ULK4: variants seen among roughly 807,000 people sequenced by gnomAD.
ULK4 encodes the protein inactive serine/threonine-protein kinase ULK4.
A neutral mutation model predicts 160.6 loss-of-function variants in ULK4; 133 were observed. That is an observed-to-expected ratio of 0.83 (90% CI 0.72 to 0.96). The LOEUF is 0.96. Among genes scored for constraint, ULK4 ranks in the 40% least tolerant of loss-of-function variants. The probability of loss-of-function intolerance (pLI) is 0.00; values close to 1 mark genes in which losing one functional copy is unlikely to be tolerated. For missense variants in ULK4, 1,580 were observed against 1,499.5 expected, an observed-to-expected ratio of 1.05 and a Z score of -0.89; for synonymous variants, 534 against 539.8, an observed-to-expected ratio of 0.99 and a Z score of 0.15.
intron 24 of ULK4, 60 bp from the exon 25 acceptor site, chr3:41,715,353 T>C (rs1559503770): frequency 3.8e-6 from 5 of 1,302,012 alleles, no homozygotes; most frequent in Non-Finnish European, 5.3e-6. Flanking sequence ...GTTAGCTCAA[T>C]AAAAAAAAAA....
At chr3:41,341,186 C>T (rs1359481970) in intron 35 of ULK4, among the ~76,000 whole-genome samples, 1 of 152,192 alleles carries the variant, frequency 6.6e-6, no homozygotes, top group African/African-American at 2.4e-5. Flanking sequence ...CTAAACACTG[C>T]AGCTATACCA....
At chr3:41,456,129 C>CT (rs1288133965) in intron 33 of ULK4, among the ~76,000 whole-genome samples, 1 of 152,162 alleles carries the variant, frequency 6.6e-6, no homozygotes, top group Non-Finnish European at 1.5e-5. Context: ...AGGCAGGTCT[C>CT]TAACTCCTGA....
At chr3:41,359,984 C>T (rs1195826636) in intron 35 of ULK4, among the ~76,000 whole-genome samples, 1 of 151,980 alleles carries the variant, frequency 6.6e-6, no homozygotes, top group South Asian at 2.1e-4. Context: ...TTAGAGTGAA[C>T]AGACAACCTA....
Position 41,580,380 on chromosome 3 carries a change from T to A in ULK4, c.3121-14250A>T, listed in dbSNP as rs188275535. Among the ~76,000 whole-genome samples the A allele has an allele frequency of 2.6e-3, 395 of 151,996 alleles. 2 individuals carry two copies. Among genetic ancestry groups the A allele is most frequent in the South Asian group, 0.02 (97 of 4,818 alleles). On this transcript the variant is annotated intron_variant, in intron 31 of 36. Transcript: ENST00000301831. ...AACAAGTTAAACCAATTATTTATTT[T>A]TTTTTTTTTAAAAAAACCTGTTTGG...
intron 18 of ULK4, among the ~76,000 whole-genome samples, chr3:41,833,773 G>T (rs537993480): frequency 2.6e-5 from 4 of 152,112 alleles, no homozygotes; most frequent in South Asian, 2.1e-4. Context: ...GACAAGGGGG[G>T]TTTCTAAATC....
At chr3:41,493,843 T>G (rs1182138485) in intron 32 of ULK4, among the ~76,000 whole-genome samples, 1 of 143,134 alleles carries the variant, frequency 7.0e-6, no homozygotes, top group Non-Finnish European at 1.5e-5. Context: ...AATGGATAAA[T>G]TCCTCGACAC....
chr3:41,855,502 C>T (rs2042314970), intron 17 of ULK4, among the ~76,000 whole-genome samples: 1 of 152,140 alleles, frequency 6.6e-6, no homozygotes, highest in African/African-American at 2.4e-5. Flanking sequence ...TGAATGTTTT[C>T]TTAAGAAGCC....
At chr3:41,279,484 G>A (rs1290220772) in intron 35 of ULK4, among the ~76,000 whole-genome samples, 1 of 152,114 alleles carries the variant, frequency 6.6e-6, no homozygotes, top group East Asian at 1.9e-4. Context: ...TCCTTGAGAA[G>A]AGCAACCCCA....
intron 35 of ULK4, among the ~76,000 whole-genome samples, chr3:41,270,656 T>G (rs1224616491): frequency 6.6e-6 from 1 of 152,204 alleles, no homozygotes; most frequent in South Asian, 2.1e-4. Context: ...CCAGGTACTG[T>G]TCTGAAAACT....
intron 17 of ULK4, chr3:41,859,227 G>T: frequency 1.9e-6 from 1 of 535,310 alleles, no homozygotes; most frequent in Non-Finnish European, 3.6e-6. Flanking sequence ...GATGTTTAAG[G>T]CAACTAATGA....
intron 17 of ULK4, among the ~76,000 whole-genome samples, chr3:41,836,580 G>T (rs2041763991): frequency 6.6e-6 from 1 of 152,124 alleles, no homozygotes; most frequent in African/African-American, 2.4e-5. Context: ...TCCAGCAACT[G>T]GCCCCAAGCC....
intron 35 of ULK4, among the ~76,000 whole-genome samples, chr3:41,352,755 C>T (rs1187736499): frequency 1.3e-5 from 2 of 152,186 alleles, no homozygotes; most frequent in African/African-American, 4.8e-5. Flanking sequence ...CCAGCCTCAT[C>T]TCTGCAGAGC....
At chr3:41,783,313 G>A (rs558085606) in intron 21 of ULK4, among the ~76,000 whole-genome samples, 53 of 152,098 alleles carry the variant, frequency 3.5e-4, no homozygotes, top group African/African-American at 1.2e-3. Context: ...GGGGAGGGCC[G>A]ACTGCTTGAG....
At chr3:41,861,657 G>A (rs1716675) in intron 17 of ULK4, among the ~76,000 whole-genome samples, 20,099 of 151,990 alleles carry the variant, frequency 0.13, 4,327 homozygotes, top group African/African-American at 0.45. Context: ...GGTGTTCTAT[G>A]ACCTTCTTGT....
intron 31 of ULK4, among the ~76,000 whole-genome samples, chr3:41,577,714 TTGAATCTC>T (rs542216126): frequency 2.6e-5 from 4 of 152,028 alleles, no homozygotes; most frequent in Non-Finnish European, 4.4e-5. Context: ...GACAAAGAAA[TTGAATCTC>T]TGAGAAAGGA....
chr3:41,693,796 G>A (rs553524832), intron 27 of ULK4, among the ~76,000 whole-genome samples: 1 of 152,250 alleles, frequency 6.6e-6, no homozygotes, highest in African/African-American at 2.4e-5. Context: ...GCACATTCAT[G>A]CTCTACATAT....
At chr3:41,939,857 A>G (rs1389986153) in intron 2 of ULK4, among the ~76,000 whole-genome samples, 1 of 152,136 alleles carries the variant, frequency 6.6e-6, no homozygotes, top group East Asian at 1.9e-4. Context: ...CCTATTGTGA[A>G]CTGTGCATAG....
At chr3:41,792,329 GAA>G (rs1343197189) in intron 20 of ULK4, among the ~76,000 whole-genome samples, 1 of 151,968 alleles carries the variant, frequency 6.6e-6, no homozygotes, top group African/African-American at 2.4e-5. Flanking sequence ...TAAAAATTGT[GAA>G]AGTTTTAAAA....
intron 35 of ULK4, among the ~76,000 whole-genome samples, chr3:41,276,451 C>T (rs1199241826): frequency 6.6e-6 from 1 of 152,168 alleles, no homozygotes; most frequent in African/African-American, 2.4e-5. Flanking sequence ...AGCCCTTGCA[C>T]CCTTCACGAG....
Sources: allele counts gnomAD v4.1 joint callset (sites outside exome capture counted in the v4.1 genomes callset), GRCh38; gene constraint gnomAD v4.1.1; transcripts MANE v1.5; gene names NCBI Gene and HGNC (gene_info 2026-07-23, HGNC 2026-07-21).